Variants in ACBD3 observed in about 807,000 individuals in gnomAD.
ACBD3 encodes the protein acyl-CoA binding domain containing 3.
A neutral mutation model predicts 66.9 loss-of-function variants in ACBD3; 30 were observed. The ratio of observed to expected loss-of-function variants is 0.45; its 90% confidence interval spans 0.34 to 0.61. ACBD3 has a LOEUF of 0.61. Ranked by LOEUF, ACBD3 falls within the 20% of genes least tolerant of loss-of-function variation. The pLI is 0.02. For missense variants in ACBD3, 544 were observed against 664.5 expected (o/e 0.82, Z 1.99); for synonymous variants, 278 against 259.8 (o/e 1.07, Z -0.68).
In ACBD3 at chr1:226,185,842, C is replaced by T. The variant is rs575326628; in HGVS notation, c.286+548G>A. On this transcript the variant is annotated intron_variant, in intron 1 of 7. Coordinates refer to ENST00000366812, the MANE Select transcript of ACBD3 (RefSeq NM_022735.4). ...GCCGGAGAGGATGATGAGCTTAACA[C>T]TTTACTTCCTCCTCTCTGCCACATC... is the stretch of plus-strand genomic sequence containing the variant. Among the ~76,000 whole-genome samples the T allele has an allele frequency of 1.8e-4, 27 of 152,266 alleles. No individual in the cohort carries two copies. In the South Asian group the frequency reaches 5.4e-3, roughly 30 times the overall value.
intron 6 of ACBD3, among the ~76,000 whole-genome samples, chr1:226,153,480 T>A (rs909942098): frequency 6.6e-6 from 1 of 152,216 alleles, no homozygotes; most frequent in Non-Finnish European, 1.5e-5. Context: ...CTCAGGTCAA[T>A]TGTCCCTTCC....
rs1259609086 is a variant in ACBD3, at chr1:226,159,055, C to T, written c.903+129G>A. 6 of 1,069,100 alleles carry T rather than the reference C, an allele frequency of 5.6e-6. No homozygotes were observed. In the African/African-American group the frequency reaches 6.3e-5, roughly 11 times the overall value. 66.2% of individuals were successfully genotyped at this position (1,069,100 alleles called of 1,614,324 possible). On this transcript the variant is annotated intron_variant, in intron 5 of 7. Coordinates refer to ENST00000366812, the MANE Select transcript of ACBD3 (RefSeq NM_022735.4). ...ATTCTCAAGTCTGCCTAAAAGATCA[C>T]CCAAAAGTTACTTTACACCTTAGAG...
At chr1:226,157,699 C>T (rs1659702533) in intron 5 of ACBD3, among the ~76,000 whole-genome samples, 1 of 152,054 alleles carries the variant, frequency 6.6e-6, no homozygotes, top group African/African-American at 2.4e-5. Context: ...ACCACCATGC[C>T]CAGCTAATTT....
chr1:226,153,476 T>A (rs553204407), intron 6 of ACBD3, among the ~76,000 whole-genome samples: 1 of 152,286 alleles, frequency 6.6e-6, no homozygotes, highest in South Asian at 2.1e-4. Context: ...ATATCTCAGG[T>A]CAATTGTCCC....
Position 226,159,199 on chromosome 1 carries a change from C to CTGGACT in ACBD3, c.882_887dup (p.Val295_Gln296dup). ...TCTATCGTACCTGTTGCTGTGCAAGCTGGACTTGATACAACTGCTGCATGT... is the reference window on the plus strand; with the variant it reads ...TCTATCGTACCTGTTGCTGTGCAAGCTGGACTTGGACTTGATACAACTGCTGCATGT... On this transcript the variant is annotated inframe_insertion, in exon 5 of 8. Coordinates refer to ENST00000366812, the MANE Select transcript of ACBD3 (RefSeq NM_022735.4). 6.2e-7 allele frequency: 1 copy of CTGGACT among 1,614,170 alleles called. No homozygotes were observed. The highest frequency in any genetic ancestry group is 8.5e-7 in the Non-Finnish European group (1 of 1,180,010).
intron 4 of ACBD3, among the ~76,000 whole-genome samples, chr1:226,161,157 T>TTTTTTTTTTTTA (rs10674358): frequency 1.3e-5 from 2 of 151,270 alleles, no homozygotes; most frequent in African/African-American, 4.9e-5. Flanking sequence ...TTTTTTTTTT[T>TTTTTTTTTTTTA]GAGACGGAGT....
At chr1:226,150,926 G>A (rs1354851759) in intron 7 of ACBD3, among the ~76,000 whole-genome samples, 1 of 152,174 alleles carries the variant, frequency 6.6e-6, no homozygotes, top group Non-Finnish European at 1.5e-5. Flanking sequence ...ATACTCTGAT[G>A]GTTCATGTAG....
intron 1 of ACBD3, among the ~76,000 whole-genome samples, chr1:226,184,186 C>CT (rs779187194): frequency 2.0e-5 from 3 of 152,010 alleles, no homozygotes; most frequent in Admixed American, 6.6e-5. Flanking sequence ...GAGTGAGACT[C>CT]TATCTCAAAA....
chr1:226,163,924 C>G (rs1325695260), intron 3 of ACBD3, among the ~76,000 whole-genome samples: 1 of 151,890 alleles, frequency 6.6e-6, no homozygotes, highest in Non-Finnish European at 1.5e-5. Flanking sequence ...AGTTTGAGAC[C>G]AGCCTGGCCA....
intron 7 of ACBD3, among the ~76,000 whole-genome samples, chr1:226,147,283 TTCATTCATTCAC>T (rs1659474529): frequency 6.6e-6 from 1 of 152,342 alleles, no homozygotes; most frequent in East Asian, 1.9e-4. Context: ...CGTTCATTCA[TTCATTCATTCAC>T]TCATTCATTC....
In ACBD3 at chr1:226,145,455, A is replaced by G. The variant is rs1558121293; in HGVS notation, c.*1155T>C. On this transcript the variant is annotated 3_prime_UTR_variant, in exon 8 of 8. Coordinates refer to ENST00000366812, the MANE Select transcript of ACBD3 (RefSeq NM_022735.4). ...TTCTGAAAACAAGAATCACTAGCCA[A>G]TCACTTATACAAATTTGAGGCAATT... The G allele has an allele frequency of 6.6e-6, 1 of 152,558 alleles. No homozygotes were observed. Among genetic ancestry groups the G allele is most frequent in the Non-Finnish European group, 1.5e-5 (1 of 68,006 alleles). 9.5% of individuals were successfully genotyped at this position (152,558 alleles called of 1,614,324 possible).
intron 1 of ACBD3, among the ~76,000 whole-genome samples, chr1:226,184,715 T>G (rs774582432): frequency 6.6e-6 from 1 of 152,182 alleles, no homozygotes; most frequent in Non-Finnish European, 1.5e-5. Context: ...TTCTTTGTTT[T>G]GAGACAGAAT....
chr1:226,155,404 C>T lies in ACBD3; in HGVS notation c.904-571G>A, dbSNP rs528857840. 3.7e-4 allele frequency among the ~76,000 whole-genome samples: 50 copies of T among 133,456 alleles called. 1 individual carries two copies. The highest frequency in any genetic ancestry group is 1.3e-3 in the African/African-American group (46 of 34,604). 87.6% of individuals were successfully genotyped at this position (133,456 alleles called of 152,430 possible). A position where few individuals can be genotyped will look rare whatever the true frequency, so the allele number is the denominator to read the frequency against. On this transcript the variant is annotated intron_variant, in intron 5 of 7. Coordinates refer to ENST00000366812, the MANE Select transcript of ACBD3 (RefSeq NM_022735.4). The stretch of plus-strand genomic sequence containing the variant: ...TGCATTCCAGCCTGAGCAACAAAAG[C>T]GAAACTCCATCTCAAAAAAAAAAAA...
At chr1:226,181,699 A>G (rs918700534) in intron 1 of ACBD3, among the ~76,000 whole-genome samples, 1 of 152,192 alleles carries the variant, frequency 6.6e-6, no homozygotes, top group African/African-American at 2.4e-5. Flanking sequence ...AACTATTGAC[A>G]ATTATTACTC....
chr1:226,157,647 C>T (rs1472145073), intron 5 of ACBD3, among the ~76,000 whole-genome samples: 1 of 152,198 alleles, frequency 6.6e-6, no homozygotes, highest in Non-Finnish European at 1.5e-5. Flanking sequence ...TCGAGTGATC[C>T]TCTCGCCTCA....
chr1:226,180,717 C>T (rs1382764859), intron 1 of ACBD3, among the ~76,000 whole-genome samples: 2 of 152,086 alleles, frequency 1.3e-5, no homozygotes, highest in East Asian at 3.9e-4. Flanking sequence ...AACATATACA[C>T]ACTGGGCACA....
At chr1:226,179,854 G>A (rs555800588) in intron 1 of ACBD3, among the ~76,000 whole-genome samples, 219 of 150,700 alleles carry the variant, frequency 1.5e-3, no homozygotes, top group African/African-American at 5.1e-3. Flanking sequence ...GTGAAACTCC[G>A]TCTCCAAAAA....
chr1:226,160,482 A>T (rs1659751044), intron 4 of ACBD3, among the ~76,000 whole-genome samples: 1 of 151,852 alleles, frequency 6.6e-6, no homozygotes, highest in South Asian at 2.1e-4. Flanking sequence ...AGCCTCACAA[A>T]CTCCTACATA....
chr1:226,157,651 C>T (rs10915952), intron 5 of ACBD3, among the ~76,000 whole-genome samples: 67,830 of 151,984 alleles, frequency 0.45, 15,289 homozygotes, highest in African/African-American at 0.5. Context: ...GTGATCCTCT[C>T]GCCTCAGCCT....
Sources: gnomAD v4.1 joint callset for allele counts (sites outside exome capture counted in the v4.1 genomes callset) on GRCh38, gnomAD v4.1.1 for gene constraint, MANE v1.5 for transcripts, NCBI Gene and HGNC (gene_info 2026-07-23, HGNC 2026-07-21) for gene names.